Variants in AIG1 observed in about 807,000 individuals in gnomAD.
The protein encoded by AIG1 is androgen induced 1, also known as androgen-induced gene 1 protein.
In AIG1, 23 loss-of-function variants were observed where a neutral mutation model predicts 31.4. The observed-to-expected ratio is 0.73, with a 90% CI of 0.53 to 1.04. The LOEUF (loss-of-function observed/expected upper bound fraction) is 1.04, where lower values mean the gene tolerates loss of function less well. Ranked by LOEUF, AIG1 falls within the 50% of genes least tolerant of loss-of-function variation. The probability of loss-of-function intolerance (pLI) is 0.00; values close to 1 mark genes in which losing one functional copy is unlikely to be tolerated. For missense variants in AIG1, 274 were observed against 295.0 expected (o/e 0.93, Z 0.52); for synonymous variants, 100 against 110.5 (o/e 0.90, Z 0.60).
intron 3 of AIG1, among the ~76,000 whole-genome samples, chr6:143,194,741 C>T (rs946774665): frequency 1.5e-4 from 23 of 152,186 alleles, no homozygotes; most frequent in African/African-American, 5.3e-4. Context: ...GATGTCTCCA[C>T]GTCACGGCAG....
At chr6:143,121,166 G>C (rs1782207264) in intron 1 of AIG1, among the ~76,000 whole-genome samples, 1 of 152,172 alleles carries the variant, frequency 6.6e-6, no homozygotes, top group African/African-American at 2.4e-5. Flanking sequence ...TGCTTTGAAG[G>C]CTGTGAGACC....
intron 3 of AIG1, among the ~76,000 whole-genome samples, chr6:143,281,101 T>C (rs1465976383): frequency 1.3e-5 from 2 of 152,208 alleles, no homozygotes; most frequent in African/African-American, 4.8e-5. Context: ...CAAACATTAT[T>C]CAACTGTGAT....
intron 3 of AIG1, among the ~76,000 whole-genome samples, chr6:143,211,677 G>A (rs183502449): frequency 5.7e-4 from 87 of 152,262 alleles, no homozygotes; most frequent in Non-Finnish European, 1.0e-3. Context: ...TGGATCACTC[G>A]AGGTCAGGAG....
intron 1 of AIG1, among the ~76,000 whole-genome samples, chr6:143,093,503 C>T (rs1217370339): frequency 6.6e-6 from 1 of 152,170 alleles, no homozygotes; most frequent in African/African-American, 2.4e-5. Flanking sequence ...AGCAATAAGG[C>T]TGTTTTCTTT....
chr6:143,215,750 T>C (rs1791977712), intron 3 of AIG1, among the ~76,000 whole-genome samples: 1 of 152,152 alleles, frequency 6.6e-6, no homozygotes, highest in Admixed American at 6.5e-5. Flanking sequence ...GATGGCACTA[T>C]TAATCCTGTA....
At chr6:143,282,839 G>A (rs1392646631) in intron 3 of AIG1, among the ~76,000 whole-genome samples, 3 of 152,210 alleles carry the variant, frequency 2.0e-5, no homozygotes, top group African/African-American at 7.2e-5. Flanking sequence ...CCTTTTGCCT[G>A]CCAAGGCCTA....
Position 143,060,898 on chromosome 6 carries a change from GC to G in AIG1, c.-25del. 1 of 1,449,418 alleles carries G rather than the reference GC, an allele frequency of 6.9e-7. No individual in the cohort carries two copies. 89.8% of individuals were successfully genotyped at this position (1,449,418 alleles called of 1,614,324 possible). A position where few individuals can be genotyped will look rare whatever the true frequency, so the allele number is the denominator to read the frequency against. ...CTCCCTCACGCCCGCCCTCCTTGCC[GC>G]CCAGCCGGTCCAGGCCTCTGGCGAA... On this transcript the variant is annotated 5_prime_UTR_variant, in exon 1 of 6. Transcript: ENST00000357847.
intron 3 of AIG1, among the ~76,000 whole-genome samples, chr6:143,213,485 A>C (rs1309845024): frequency 6.7e-6 from 1 of 148,598 alleles, no homozygotes; most frequent in Non-Finnish European, 1.5e-5. Flanking sequence ...AAGTGTCTGG[A>C]AAGTTCTTTC....
In AIG1 at chr6:143,325,605, A is replaced by C. The variant is rs1245160670; in HGVS notation, c.516-7677A>C. Reference sequence around the variant, plus strand: ...TAATCAAGCCAGGAATCTGTGATTAATCCTTAACTCATCTCAGTTTCCTCA... The same window carrying C: ...TAATCAAGCCAGGAATCTGTGATTACTCCTTAACTCATCTCAGTTTCCTCA... On this transcript the variant is annotated intron_variant, in intron 4 of 5. Transcript: ENST00000357847. This position sits in a 1 kb window ranked among gnomAD's most constrained non-coding sequence, Gnocchi z 4.3. 1.3e-5 allele frequency among the ~76,000 whole-genome samples: 2 copies of C among 152,210 alleles called. No homozygotes were observed. The highest frequency in any genetic ancestry group is 2.9e-5 in the Non-Finnish European group (2 of 68,024).
chr6:143,312,930 A>G (rs1216791644), intron 4 of AIG1, among the ~76,000 whole-genome samples: 1 of 152,158 alleles, frequency 6.6e-6, no homozygotes, highest in Non-Finnish European at 1.5e-5. Context: ...AAGACATACA[A>G]ATGGCTAACT....
At chr6:143,106,605 A>T (rs1226351262) in intron 1 of AIG1, among the ~76,000 whole-genome samples, 1 of 152,238 alleles carries the variant, frequency 6.6e-6, no homozygotes, top group Non-Finnish European at 1.5e-5. Flanking sequence ...GATTTCTGCC[A>T]ATAAACATTT....
intron 2 of AIG1, among the ~76,000 whole-genome samples, chr6:143,163,134 C>T (rs1786568858): frequency 6.6e-6 from 1 of 152,198 alleles, no homozygotes; most frequent in African/African-American, 2.4e-5. Flanking sequence ...AATAGCAAGG[C>T]TGGAATCATG....
At position 143,176,644 on chromosome 6, in the gene AIG1, C is replaced by T. The variant is rs566926265; in HGVS notation, c.399+11461C>T. On this transcript the variant is annotated intron_variant, in intron 3 of 5. Transcript: ENST00000357847. Reference sequence around the variant, plus strand: ...GGAAGTGAGGGAAAGCCATCAGCCACAGGCCTCACTTAGCTCCCATGCAGC... The same window carrying T: ...GGAAGTGAGGGAAAGCCATCAGCCATAGGCCTCACTTAGCTCCCATGCAGC... 3.3e-5 allele frequency among the ~76,000 whole-genome samples: 5 copies of T among 152,332 alleles called. No homozygotes were observed. In the South Asian group the frequency reaches 1.0e-3, roughly 32 times the overall value.
chr6:143,207,058 T>C (rs1026814181), intron 3 of AIG1, among the ~76,000 whole-genome samples: 7 of 152,190 alleles, frequency 4.6e-5, no homozygotes, highest in African/African-American at 1.7e-4. Context: ...GTGCTGTCCC[T>C]GTATCTATAA....
intron 1 of AIG1, among the ~76,000 whole-genome samples, chr6:143,089,875 C>G (rs1410617520): frequency 6.6e-6 from 1 of 152,170 alleles, no homozygotes; most frequent in Non-Finnish European, 1.5e-5. Flanking sequence ...CCATTAGGCC[C>G]CACCTCCAGC....
intron 3 of AIG1, among the ~76,000 whole-genome samples, chr6:143,171,514 TA>T (rs1398058607): frequency 3.1e-5 from 4 of 128,500 alleles, no homozygotes; most frequent in Admixed American, 1.8e-4. Context: ...TTAATATATA[TA>T]ATATATATAT....
rs2128665387 is a variant in AIG1 at position 143,268,852 on chromosome 6, C to G, written c.400-15258C>G. Among the ~76,000 whole-genome samples, 1 of 152,288 alleles carries G rather than the reference C, an allele frequency of 6.6e-6. No individual in the cohort carries two copies. Among genetic ancestry groups the G allele is most frequent in the South Asian group, 2.1e-4 (1 of 4,820 alleles). ...GGTGGGAGTGCCGTCAGTTTCAGCC[C>G]TCTGCTCTAAGCCCTCTCCAGAACT... On this transcript the variant is annotated intron_variant, in intron 3 of 5. Coordinates refer to ENST00000357847, the MANE Select transcript of AIG1 (RefSeq NM_016108.4). This position sits in a 1 kb window ranked among gnomAD's most constrained non-coding sequence, Gnocchi z 5.0.
At chr6:143,188,034 G>A (rs1789430388) in intron 3 of AIG1, 9 of 1,078,790 alleles carry the variant, frequency 8.3e-6, no homozygotes, top group Non-Finnish European at 1.0e-5. Context: ...TCTTTTAGGT[G>A]ATTTTTAAAA....
At chr6:143,287,877 C>T (rs963668247) in intron 4 of AIG1, among the ~76,000 whole-genome samples, 1 of 150,928 alleles carries the variant, frequency 6.6e-6, no homozygotes, top group Non-Finnish European at 1.5e-5. Context: ...GTTTTCTCTT[C>T]TTTTTACTCA....
Sources: gnomAD v4.1 joint callset for allele counts (sites outside exome capture counted in the v4.1 genomes callset) on GRCh38, gnomAD v4.1.1 for gene constraint, Gnocchi (gnomAD v3.1) non-coding constraint, MANE v1.5 for transcripts, NCBI Gene and HGNC (gene_info 2026-07-23, HGNC 2026-07-21) for gene names.